Variants in CDK19 observed in about 807,000 individuals in gnomAD.
CDK19 encodes the protein cyclin dependent kinase 19, also known as cyclin-dependent kinase 19.
A neutral mutation model predicts 68.3 loss-of-function variants in CDK19; 20 were observed. The observed-to-expected ratio is 0.29, with a 90% CI of 0.21 to 0.43. The LOEUF (loss-of-function observed/expected upper bound fraction) is 0.43, where lower values mean the gene tolerates loss of function less well. CDK19 is among the 20% of genes least tolerant of loss of function. The pLI is 1.00. For synonymous variants in CDK19, 221 were observed against 222.8 expected, an observed-to-expected ratio of 0.99 and a Z score of 0.07; for missense variants, 339 against 623.5, an observed-to-expected ratio of 0.54 and a Z score of 4.86.
intron 2 of CDK19, among the ~76,000 whole-genome samples, chr6:110,697,217 C>T (rs575129084): frequency 6.0e-5 from 9 of 151,218 alleles, no homozygotes; most frequent in East Asian, 1.9e-4. Flanking sequence ...GCAACAAGAG[C>T]GAAACTCTGT....
At chr6:110,625,500 G>T (rs1779034142) in intron 8 of CDK19, among the ~76,000 whole-genome samples, 2 of 151,734 alleles carry the variant, frequency 1.3e-5, no homozygotes, top group South Asian at 2.1e-4. Flanking sequence ...GCGAACAAGG[G>T]TACAATAAAA....
At chr6:110,719,972 G>GCCCCCCCCC (rs1167384607) in intron 2 of CDK19, among the ~76,000 whole-genome samples, 1 of 45,520 alleles carries the variant, frequency 2.2e-5, no homozygotes, top group Non-Finnish European at 4.2e-5. Context: ...CTTGTGATCC[G>GCCCCCCCCC]CCCCCCCCCC....
At chr6:110,647,913 T>C (rs1403828228) in intron 4 of CDK19, among the ~76,000 whole-genome samples, 1 of 152,152 alleles carries the variant, frequency 6.6e-6, no homozygotes, top group African/African-American at 2.4e-5. Context: ...TCCATCCAGA[T>C]GGCTTAACAT....
chr6:110,612,263 G>A lies in CDK19; in HGVS notation c.*2272C>T, dbSNP rs1455873097. The stretch of plus-strand genomic sequence containing the variant: ...TAGGAGAGTATGTTCTGCCTACAAG[G>A]ACCACCCAGTTGTTGTTAAAAGGCT... On this transcript the variant is annotated 3_prime_UTR_variant, in exon 13 of 13. Coordinates refer to ENST00000368911, the MANE Select transcript of CDK19 (RefSeq NM_015076.5). 2 of 152,214 alleles carry A rather than the reference G, an allele frequency of 1.3e-5. No individual in the cohort carries two copies. The highest frequency in any genetic ancestry group is 4.8e-5 in the African/African-American group (2 of 41,404). The allele number at this position is 152,214 out of a possible 1,614,324, so 9.4% of individuals were successfully genotyped here.
At position 110,628,639 on chromosome 6, in the gene CDK19, G is replaced by T. The variant is rs1779245774; in HGVS notation, c.647-1494C>A. 2.7e-5 allele frequency among the ~76,000 whole-genome samples: 4 copies of T among 148,780 alleles called. No individual in the cohort carries two copies. In the South Asian group the frequency reaches 6.2e-4, roughly 23 times the overall value. ...CTATCTGCAATTTCAGGCATCCCCTGGGGGGGTCTTGGGACATATTCCCAG... is the reference window on the plus strand; with the variant it reads ...CTATCTGCAATTTCAGGCATCCCCTTGGGGGGTCTTGGGACATATTCCCAG... On this transcript the variant is annotated intron_variant, in intron 6 of 12. Coordinates refer to ENST00000368911, the MANE Select transcript of CDK19 (RefSeq NM_015076.5).
chr6:110,813,301 A>G (rs1783261667), intron 1 of CDK19: 2 of 152,150 alleles, frequency 1.3e-5, no homozygotes, highest in South Asian at 4.1e-4. Context: ...GTTCCCTAAT[A>G]AAAGAAAGCT....
At position 110,616,590 on chromosome 6, in the gene CDK19, C is replaced by T. The variant is rs546911075; in HGVS notation, c.1378-1924G>A. On this transcript the variant is annotated intron_variant, in intron 12 of 12. Coordinates refer to ENST00000368911, the MANE Select transcript of CDK19 (RefSeq NM_015076.5). ...GGCTGAGGCAGGAGAATCGCTTGAA[C>T]CCAGGAGTCAGAAGTTGTAGTGAGT... Among the ~76,000 whole-genome samples, 389 of 151,930 alleles carry T rather than the reference C, an allele frequency of 2.6e-3. 1 individual carries two copies. Among genetic ancestry groups the T allele is most frequent in the South Asian group, 5.2e-3 (25 of 4,804 alleles).
At chr6:110,635,383 T>C (rs1445811487) in intron 5 of CDK19, among the ~76,000 whole-genome samples, 1 of 152,158 alleles carries the variant, frequency 6.6e-6, no homozygotes, top group Non-Finnish European at 1.5e-5. Flanking sequence ...TTGGGCTGGA[T>C]CCTGCAGGAT....
At chr6:110,630,281 G>T (rs543884790) in intron 6 of CDK19, among the ~76,000 whole-genome samples, 1 of 152,322 alleles carries the variant, frequency 6.6e-6, no homozygotes, top group Admixed American at 6.5e-5. Flanking sequence ...TAAGTCTAAG[G>T]TATATGGATT....
intron 2 of CDK19, among the ~76,000 whole-genome samples, chr6:110,672,254 T>C (rs1771079304): frequency 6.6e-6 from 1 of 152,208 alleles, no homozygotes; most frequent in African/African-American, 2.4e-5. Context: ...ATGTTCTCTT[T>C]GCAGCCTGAA....
chr6:110,791,245 A>G (rs1287795807), intron 1 of CDK19, among the ~76,000 whole-genome samples: 1 of 151,964 alleles, frequency 6.6e-6, no homozygotes, highest in Non-Finnish European at 1.5e-5. Context: ...TCTGTCATGG[A>G]AAAAAAGAAA....
chr6:110,750,639 C>A (rs1242996989), intron 1 of CDK19, among the ~76,000 whole-genome samples: 1 of 152,012 alleles, frequency 6.6e-6, no homozygotes, highest in Non-Finnish European at 1.5e-5. Context: ...GAAAATATCT[C>A]GGAAGTTCAA....
chr6:110,805,729 A>G (rs1303580592), intron 1 of CDK19, among the ~76,000 whole-genome samples: 1 of 152,196 alleles, frequency 6.6e-6, no homozygotes, highest in Non-Finnish European at 1.5e-5. Context: ...CTAGCATATT[A>G]AGTTCAAAAA....
intron 4 of CDK19, among the ~76,000 whole-genome samples, chr6:110,641,592 C>CAA (rs773781094): frequency 3.5e-4 from 11 of 31,312 alleles, no homozygotes; most frequent in South Asian, 8.7e-4. Context: ...GAGACTCCAT[C>CAA]AAAAAAAAAA....
At chr6:110,622,051 G>T (rs779907097) in intron 11 of CDK19, 37 bp downstream of exon 11, 1 of 1,272,824 alleles carries the variant, frequency 7.9e-7, no homozygotes, top group Admixed American at 2.0e-5. Flanking sequence ...TGCCTCCCTT[G>T]CTCTTTGGAA....
intron 1 of CDK19, among the ~76,000 whole-genome samples, chr6:110,792,323 TTTTTTC>T (rs1781654906): frequency 6.6e-6 from 1 of 152,110 alleles, no homozygotes; most frequent in African/African-American, 2.4e-5. Context: ...CTCCTTTACC[TTTTTTC>T]TTTATTTTCA....
intron 2 of CDK19, among the ~76,000 whole-genome samples, chr6:110,710,447 T>C (rs778332160): frequency 1.3e-5 from 2 of 152,204 alleles, no homozygotes; most frequent in Non-Finnish European, 2.9e-5. Flanking sequence ...TCAAAAGACA[T>C]AGCAAGCCTA....
intron 2 of CDK19, among the ~76,000 whole-genome samples, chr6:110,674,888 C>T (rs931592282): frequency 2.0e-5 from 3 of 147,072 alleles, no homozygotes; most frequent in African/African-American, 5.0e-5. Flanking sequence ...GGCGACACAG[C>T]GAGACTCTGT....
chr6:110,618,233 A>C (rs1274393781), intron 12 of CDK19, among the ~76,000 whole-genome samples: 1 of 152,140 alleles, frequency 6.6e-6, no homozygotes, highest in African/African-American at 2.4e-5. Context: ...CCCAGGTTCA[A>C]GCAATTATCC....
Sources: allele counts gnomAD v4.1 joint callset (sites outside exome capture counted in the v4.1 genomes callset), GRCh38; gene constraint gnomAD v4.1.1; transcripts MANE v1.5; gene names NCBI Gene and HGNC (gene_info 2026-07-23, HGNC 2026-07-21).